GUCY2F: variants seen among roughly 807,000 people sequenced by gnomAD.
GUCY2F encodes retinal guanylyl cyclase 2.
GUCY2F carries 61 observed loss-of-function variants against 73.1 expected under a neutral mutation model. The observed-to-expected ratio is 0.83, with a 90% CI of 0.68 to 1.03. The LOEUF (loss-of-function observed/expected upper bound fraction) is 1.03. GUCY2F is among the 50% of genes least tolerant of loss of function. The pLI is 0.00. For synonymous variants in GUCY2F, 331 were observed against 307.8 expected, an observed-to-expected ratio of 1.08 and a Z score of -0.79; for missense variants, 912 against 854.3, an observed-to-expected ratio of 1.07 and a Z score of -0.84.
intron 7 of GUCY2F, among the ~76,000 whole-genome samples, chrX:109,435,422 T>A (rs1324452849): frequency 9.3e-6 from 1 of 107,401 alleles, no homozygotes; most frequent in Non-Finnish European, 1.9e-5. Context: ...GATTTGGCTC[T>A]CTGTTTGTCT....
At chrX:109,436,260 G>T (rs1228811628) in intron 7 of GUCY2F, among the ~76,000 whole-genome samples, 1 of 111,494 alleles carries the variant, frequency 9.0e-6, no homozygotes, top group Non-Finnish European at 1.9e-5. Context: ...AGTTAGAATG[G>T]CAATCATTAA....
At chrX:109,440,412 T>C (rs1243761667) in intron 7 of GUCY2F, among the ~76,000 whole-genome samples, 1 of 112,374 alleles carries the variant, frequency 8.9e-6, no homozygotes, top group Non-Finnish European at 1.9e-5. Flanking sequence ...TTTCAACACC[T>C]GAATTTTGAG....
chrX:109,376,201 G>T, intron 17 of GUCY2F, 34 bp from the exon 18 acceptor site: 1 of 1,000,424 alleles, frequency 1.0e-6, no homozygotes, highest in Non-Finnish European at 1.4e-6. Flanking sequence ...TCTTAAGCCT[G>T]CTATAATCAA....
intron 6 of GUCY2F, among the ~76,000 whole-genome samples, chrX:109,444,786 T>C (rs1931961209): frequency 8.9e-6 from 1 of 112,112 alleles, no homozygotes; most frequent in African/African-American, 3.2e-5. Flanking sequence ...TATAGCCGAT[T>C]GTCATGATGA....
rs748953213 is a variant in GUCY2F, at chrX:109,476,779, C to CTA, written c.-85-760_-85-759dup. On this transcript the variant is annotated intron_variant, in intron 1 of 19. Transcript: ENST00000218006. ...ATAGATAGATAGATAGATAGACAGA[C>CTA]TATATATATATGTGTGTGTGTATAT... Among the ~76,000 whole-genome samples the CTA allele has an allele frequency of 1.1e-4, 12 of 104,367 alleles. No homozygotes were observed. In the East Asian group the frequency reaches 2.5e-3, roughly 22 times the overall value. The allele number at this position is 104,367 out of a possible 115,157, so 90.6% of individuals were successfully genotyped here. A position where few individuals can be genotyped will look rare whatever the true frequency, so the allele number is the denominator to read the frequency against.
rs1331813546 is a variant in GUCY2F, at chrX:109,446,485, T to C, written c.1569+1584A>G. On this transcript the variant is annotated intron_variant, in intron 6 of 19. Coordinates refer to ENST00000218006, the MANE Select transcript of GUCY2F (RefSeq NM_001522.3). ...AAATAATACTACACATCTACAACCA[T>C]CTGATCTTTGACAAACCTGACAAAA... 4.5e-5 allele frequency among the ~76,000 whole-genome samples: 5 copies of C among 110,532 alleles called. No individual in the cohort carries two copies. In the East Asian group the frequency reaches 1.4e-3, roughly 31 times the overall value.
intron 5 of GUCY2F, among the ~76,000 whole-genome samples, chrX:109,451,653 C>T (rs764962206): frequency 1.8e-5 from 2 of 111,945 alleles, no homozygotes; most frequent in Non-Finnish European, 3.8e-5. Flanking sequence ...ATCTCAATTC[C>T]ATTCCCTATC....
In GUCY2F at chrX:109,477,735, A is replaced by G. The variant is rs183073895; in HGVS notation, c.-85-1714T>C. 3.0e-3 allele frequency among the ~76,000 whole-genome samples: 337 copies of G among 112,124 alleles called. 1 individual carries two copies. Among genetic ancestry groups the G allele is most frequent in the African/African-American group, 0.01 (322 of 30,831 alleles). On this transcript the variant is annotated intron_variant, in intron 1 of 19. Coordinates refer to ENST00000218006, the MANE Select transcript of GUCY2F (RefSeq NM_001522.3). ...TGATAATCAGCGCTGGTGTGCACCA[A>G]TCAGGCCAAACTGGTTGTTTATGGG... is the stretch of plus-strand genomic sequence containing the variant.
chrX:109,469,627 T>G (rs931645197), intron 2 of GUCY2F, among the ~76,000 whole-genome samples: 13 of 110,831 alleles, frequency 1.2e-4, no homozygotes, highest in Non-Finnish European at 1.1e-4. Context: ...GAACAGTTGC[T>G]AACAGGGCGG....
intron 8 of GUCY2F, among the ~76,000 whole-genome samples, chrX:109,411,530 G>A (rs1165268843): frequency 9.0e-6 from 1 of 111,674 alleles, no homozygotes; most frequent in Non-Finnish European, 1.9e-5. Context: ...TTACCTGAAA[G>A]CATTTTCTCC....
chrX:109,377,629 A>C lies in GUCY2F; in HGVS notation c.3151-1462T>G, dbSNP rs180947787. On this transcript the variant is annotated intron_variant, in intron 17 of 19. Transcript: ENST00000218006. ...TAATTGAAACTCTCAGCCCTTGTGC[A>C]CTTGGAATACTCAAGACACCACTGG... 9.8e-5 allele frequency among the ~76,000 whole-genome samples: 11 copies of C among 111,910 alleles called. No homozygotes were observed. In the East Asian group the frequency reaches 3.1e-3, roughly 32 times the overall value.
At chrX:109,381,124 A>G (rs1192992946) in intron 17 of GUCY2F, among the ~76,000 whole-genome samples, 1 of 112,306 alleles carries the variant, frequency 8.9e-6, no homozygotes, top group African/African-American at 3.2e-5. Flanking sequence ...GGAAGTTGTC[A>G]ACTAGAGTTA....
rs200474626 is a variant in GUCY2F, at chrX:109,388,701, T to C, written c.2782-38A>G. The C allele has an allele frequency of 8.6e-5, 84 of 975,527 alleles. No individual in the cohort carries two copies. In the African/African-American group the frequency reaches 1.5e-3, roughly 17 times the overall value. The allele number at this position is 975,527 out of a possible 1,213,427, so 80.4% of individuals were successfully genotyped here. A position where few individuals can be genotyped will look rare whatever the true frequency, so the allele number is the denominator to read the frequency against. On this transcript the variant is annotated intron_variant, in intron 14 of 19. Coordinates refer to ENST00000218006, the MANE Select transcript of GUCY2F (RefSeq NM_001522.3). ...AAAAATAGAATTAGCAAACAACTTA[T>C]TTGTGCTTCTTTTTAGCACAGAGCT...
At chrX:109,379,324 A>G (rs1474075728) in intron 17 of GUCY2F, among the ~76,000 whole-genome samples, 3 of 111,863 alleles carry the variant, frequency 2.7e-5, no homozygotes, top group Non-Finnish European at 5.6e-5. Context: ...TGGTGAATAT[A>G]GTTAATAATG....
intron 8 of GUCY2F, among the ~76,000 whole-genome samples, chrX:109,411,129 A>G (rs1016520787): frequency 2.7e-5 from 3 of 109,644 alleles, no homozygotes; most frequent in Admixed American, 9.8e-5. Context: ...GTGGTGCTAC[A>G]TATTAATATA....
At chrX:109,424,769 CTT>C (rs758625693) in intron 8 of GUCY2F, among the ~76,000 whole-genome samples, 1,785 of 101,167 alleles carry the variant, frequency 0.018, 40 homozygotes, top group African/African-American at 0.061. Flanking sequence ...ACAGGGAACA[CTT>C]TTTTTTTTTT....
At chrX:109,439,502 T>C (rs1931823938) in intron 7 of GUCY2F, among the ~76,000 whole-genome samples, 1 of 111,130 alleles carries the variant, frequency 9.0e-6, no homozygotes, top group Admixed American at 9.5e-5. Context: ...ATGGCAAGGC[T>C]GAGAATTTTA....
At chrX:109,428,835 G>A (rs1176004151) in intron 8 of GUCY2F, among the ~76,000 whole-genome samples, 5 of 111,866 alleles carry the variant, frequency 4.5e-5, no homozygotes. Flanking sequence ...TAGGCAAAAT[G>A]TACACAATTG....
rs897041441 is a variant in GUCY2F, at chrX:109,482,033, T to C, written c.-253A>G. On this transcript the variant is annotated 5_prime_UTR_variant, in exon 1 of 20. It removes the in-frame stop codon of an upstream open reading frame in the 5' UTR. Coordinates refer to ENST00000218006, the MANE Select transcript of GUCY2F (RefSeq NM_001522.3). Reference sequence around the variant, plus strand: ...TTAATGGGGTAAATAATTGAAAGCGTTAGTAAATGTTTTGAAAATCACTCT... The same window carrying C: ...TTAATGGGGTAAATAATTGAAAGCGCTAGTAAATGTTTTGAAAATCACTCT... 8.9e-6 allele frequency: 1 copy of C among 111,876 alleles called. No individual in the cohort carries two copies. The highest frequency in any genetic ancestry group is 1.9e-5 in the Non-Finnish European group (1 of 53,143). The allele number at this position is 111,876 out of a possible 1,213,427, so 9.2% of individuals were successfully genotyped here.
Sources: gnomAD v4.1 joint callset for allele counts (sites outside exome capture counted in the v4.1 genomes callset) on GRCh38, gnomAD v4.1.1 for gene constraint, MANE v1.5 for transcripts, NCBI Gene and HGNC (gene_info 2026-07-23, HGNC 2026-07-21) for gene names.